The following DOCK2 variants were observed in gnomAD, a reference collection of about 807,000 sequenced individuals.
DOCK2 encodes dedicator of cytokinesis 2, also known as dedicator of cytokinesis protein 2.
Under a neutral mutation model 248.9 loss-of-function variants are expected in DOCK2, and 87 were observed. The ratio of observed to expected loss-of-function variants is 0.35; its 90% CI spans 0.29 to 0.42. DOCK2 has a LOEUF of 0.42. Among genes scored for constraint, DOCK2 ranks in the 10% least tolerant of loss-of-function variants. DOCK2 has a pLI of 1.00. For missense variants in DOCK2, 1,747 were observed against 2,300.2 expected (o/e 0.76, Z 4.92); for synonymous variants, 805 against 821.6 (o/e 0.98, Z 0.35).
intron 30 of DOCK2, among the ~76,000 whole-genome samples, chr5:169,997,438 G>T (rs1051966581): frequency 4.1e-5 from 6 of 146,974 alleles, no homozygotes; most frequent in African/African-American, 1.6e-4. Context: ...GTGTCGGGCT[G>T]GGGGACGGTC....
rs75799532 is a variant in DOCK2 at position 169,815,590 on chromosome 5, G to T, written c.2703+12384G>T. Reference sequence around the variant, plus strand: ...ATCAAATCAAATAATACTTTCACATGACATTTTAAAAACTCAGTATTTTGT... The same window carrying T: ...ATCAAATCAAATAATACTTTCACATTACATTTTAAAAACTCAGTATTTTGT... On this transcript the variant is annotated intron_variant, in intron 26 of 51. Coordinates refer to ENST00000520908, the MANE Select transcript of DOCK2 (RefSeq NM_004946.3). 2.8e-4 allele frequency among the ~76,000 whole-genome samples: 42 copies of T among 152,244 alleles called. No homozygotes were observed. In the East Asian group the frequency reaches 8.1e-3, roughly 29 times the overall value.
chr5:169,925,992 G>A (rs528542841), intron 27 of DOCK2, among the ~76,000 whole-genome samples: 48 of 152,262 alleles, frequency 3.2e-4, no homozygotes, highest in African/African-American at 8.2e-4. Context: ...CCAGGAGCTC[G>A]CAACACACCC....
chr5:169,671,535 G>T (rs1011091892), intron 5 of DOCK2, among the ~76,000 whole-genome samples: 7 of 152,214 alleles, frequency 4.6e-5, no homozygotes, highest in Non-Finnish European at 8.8e-5. Flanking sequence ...TTGCTAGTCT[G>T]CTGATAACAC....
At chr5:169,977,002 T>C (rs1250087590) in intron 27 of DOCK2, among the ~76,000 whole-genome samples, 1 of 152,218 alleles carries the variant, frequency 6.6e-6, no homozygotes, top group Non-Finnish European at 1.5e-5. Flanking sequence ...CACAGCAGGA[T>C]GTCCTGGGTA....
intron 27 of DOCK2, among the ~76,000 whole-genome samples, chr5:169,929,188 G>A (rs1430598971): frequency 6.6e-6 from 1 of 152,152 alleles, no homozygotes; most frequent in Non-Finnish European, 1.5e-5. Context: ...GTGTTTTCAA[G>A]TTCAAGTCAT....
chr5:169,698,133 G>A (rs972299392), intron 10 of DOCK2, among the ~76,000 whole-genome samples: 1 of 152,160 alleles, frequency 6.6e-6, no homozygotes. Flanking sequence ...GGTGCTCTTG[G>A]ATGCCTCCCT....
Position 169,729,756 on chromosome 5 carries a change from CAG to C in DOCK2, c.2267+10966_2267+10967del, listed in dbSNP as rs948838435. ...GGAATAAGCAAGTGTGTGGCTGAGACAGGGGTAGTGAGGGTGGGGGGTAGCAG... is the reference window on the plus strand; with the variant it reads ...GGAATAAGCAAGTGTGTGGCTGAGACGGGTAGTGAGGGTGGGGGGTAGCAG... On this transcript the variant is annotated intron_variant, in intron 22 of 51. Transcript: ENST00000520908. 3.9e-5 allele frequency among the ~76,000 whole-genome samples: 6 copies of C among 152,100 alleles called. No individual in the cohort carries two copies. In the East Asian group the frequency reaches 9.7e-4, roughly 24 times the overall value.
chr5:169,679,930 C>G (rs1011693653), intron 6 of DOCK2, among the ~76,000 whole-genome samples: 1 of 152,164 alleles, frequency 6.6e-6, no homozygotes, highest in African/African-American at 2.4e-5. Context: ...CGCAACCAAG[C>G]AGGAGTATGG....
chr5:169,807,551 G>T (rs901525631), intron 26 of DOCK2, among the ~76,000 whole-genome samples: 1 of 151,930 alleles, frequency 6.6e-6, no homozygotes, highest in South Asian at 2.1e-4. Context: ...GCATCTTCCG[G>T]CTGGGTGCAT....
chr5:169,782,718 A>G (rs968713277), intron 25 of DOCK2, among the ~76,000 whole-genome samples: 3 of 152,096 alleles, frequency 2.0e-5, no homozygotes, highest in African/African-American at 7.2e-5. Flanking sequence ...TGCTTTACCC[A>G]TCCTTGCCTA....
intron 27 of DOCK2, among the ~76,000 whole-genome samples, chr5:169,951,168 C>T (rs571827078): frequency 9.2e-5 from 14 of 152,182 alleles, no homozygotes; most frequent in Non-Finnish European, 1.6e-4. Context: ...GGGATAGAGT[C>T]AGGGCAAGAG....
chr5:169,995,785 T>C (rs1442441748), intron 29 of DOCK2, among the ~76,000 whole-genome samples: 2 of 152,164 alleles, frequency 1.3e-5, no homozygotes, highest in Non-Finnish European at 2.9e-5. Flanking sequence ...GGGGGGGTGA[T>C]TTCTCTTTAG....
chr5:169,803,003 A>G (rs1056919894), intron 25 of DOCK2, 55 bp from the exon 26 acceptor site: 1 of 1,589,320 alleles, frequency 6.3e-7, no homozygotes, highest in Non-Finnish European at 8.5e-7. Flanking sequence ...TATATGAAAG[A>G]AAAGAAACTA....
intron 42 of DOCK2, among the ~76,000 whole-genome samples, chr5:170,055,704 T>G (rs1398962417): frequency 6.6e-6 from 1 of 152,056 alleles, no homozygotes; most frequent in Non-Finnish European, 1.5e-5. Context: ...CCCCAGGGAG[T>G]CCACAGACAG....
At chr5:169,945,462 T>G (rs913817308) in intron 27 of DOCK2, among the ~76,000 whole-genome samples, 1 of 152,276 alleles carries the variant, frequency 6.6e-6, no homozygotes, top group Non-Finnish European at 1.5e-5. Flanking sequence ...AATTGAGCTG[T>G]TACTTCGTGC....
At chr5:169,698,542 A>C in intron 11 of DOCK2, 93 bp downstream of exon 11, 1 of 1,386,786 alleles carries the variant, frequency 7.2e-7, no homozygotes, top group South Asian at 1.2e-5. Context: ...TCCCTGAGTT[A>C]GTGATAGGCA....
intron 27 of DOCK2, among the ~76,000 whole-genome samples, chr5:169,888,346 C>T (rs1370793107): frequency 3.9e-5 from 6 of 152,182 alleles, no homozygotes; most frequent in Admixed American, 6.5e-5. Flanking sequence ...GATCCAGAAT[C>T]GTTCCCCACA....
chr5:169,879,128 G>A lies in DOCK2; in HGVS notation c.2799+38276G>A, dbSNP rs188750360. Among the ~76,000 whole-genome samples, 662 of 152,266 alleles carry A rather than the reference G, an allele frequency of 4.3e-3. 8 individuals are homozygous for A. Among genetic ancestry groups the A allele is most frequent in the African/African-American group, 0.015 (612 of 41,546 alleles). The stretch of plus-strand genomic sequence containing the variant: ...TCTGGGAAATACCACTTAGGAAACC[G>A]TATGCATGGCTAATTTAGCAGCAAC... On this transcript the variant is annotated intron_variant, in intron 27 of 51. Coordinates refer to ENST00000520908, the MANE Select transcript of DOCK2 (RefSeq NM_004946.3).
chr5:169,884,022 T>A, intron 27 of DOCK2: 1 of 886,862 alleles, frequency 1.1e-6, no homozygotes, highest in Non-Finnish European at 1.6e-6. Context: ...GATGGAGTGG[T>A]CCTCTCCTCT....
Sources: allele counts gnomAD v4.1 joint callset (sites outside exome capture counted in the v4.1 genomes callset), GRCh38; gene constraint gnomAD v4.1.1; transcripts MANE v1.5; gene names NCBI Gene and HGNC (gene_info 2026-07-23, HGNC 2026-07-21).